LRP6: variants seen among roughly 807,000 people sequenced by gnomAD.
LRP6 encodes low-density lipoprotein receptor-related protein 6.
A neutral mutation model predicts 184.1 loss-of-function variants in LRP6; 43 were observed. The observed-to-expected ratio is 0.23, with a 90% CI of 0.18 to 0.30. The LOEUF (loss-of-function observed/expected upper bound fraction) is 0.30, where lower values mean the gene tolerates loss of function less well. Among genes scored for constraint, LRP6 ranks in the 10% least tolerant of loss-of-function variants. LRP6 has a pLI of 1.00. For synonymous variants in LRP6, 719 were observed against 684.9 expected, an observed-to-expected ratio of 1.05 and a Z score of -0.78; for missense variants, 1,571 against 2,005.3, an observed-to-expected ratio of 0.78 and a Z score of 4.14.
chr12:12,150,907 G>A lies in LRP6; in HGVS notation c.2923C>T (p.Leu975=), dbSNP rs761942695. The change falls in exon 13 of 23, where the codon CTG becomes TTG. Residue 975 remains leucine (L), a synonymous_variant. Transcript: ENST00000261349. ...TCAATCCAATAGAGTTGCTTGTCCAGTGGGTCATAGTCAATGGCCCGGACA... is the reference window on the plus strand; with the variant it reads ...TCAATCCAATAGAGTTGCTTGTCCAATGGGTCATAGTCAATGGCCCGGACA... ...RNVRAIDYDP[L]DKQLYWIDSR... is the part of the protein sequence containing the mutation. 3 of 1,614,034 alleles carry A rather than the reference G, an allele frequency of 1.9e-6. No homozygotes were observed. The highest frequency in any genetic ancestry group is 2.7e-5 in the African/African-American group (2 of 74,926).
At chr12:12,157,123 A>G (rs1432748852) in intron 12 of LRP6, among the ~76,000 whole-genome samples, 3 of 152,178 alleles carry the variant, frequency 2.0e-5, no homozygotes, top group Non-Finnish European at 4.4e-5. Flanking sequence ...AGGTAACCTC[A>G]TTCATTTTAA....
At chr12:12,127,534 G>A (rs1949689411) in intron 19 of LRP6, among the ~76,000 whole-genome samples, 2 of 152,218 alleles carry the variant, frequency 1.3e-5, no homozygotes, top group South Asian at 4.2e-4. Context: ...CTGAGACCAA[G>A]GAACATAAGG....
At chr12:12,168,063 A>G (rs1418309507) in intron 7 of LRP6, among the ~76,000 whole-genome samples, 2 of 152,148 alleles carry the variant, frequency 1.3e-5, no homozygotes, top group Non-Finnish European at 2.9e-5. Flanking sequence ...AAAAGAACAA[A>G]TATTTGACAA....
chr12:12,140,110 T>A (rs1949908331), intron 15 of LRP6, among the ~76,000 whole-genome samples: 1 of 151,684 alleles, frequency 6.6e-6, no homozygotes, highest in African/African-American at 2.4e-5. Flanking sequence ...AAAACCTCTA[T>A]CTTTAAATTT....
intron 4 of LRP6, among the ~76,000 whole-genome samples, chr12:12,185,603 G>A (rs565091105): frequency 2.0e-5 from 3 of 152,142 alleles, no homozygotes; most frequent in East Asian, 1.9e-4. Flanking sequence ...TAACATTCTC[G>A]TATTCCTTTT....
At chr12:12,135,910 T>G (rs1366476833) in intron 16 of LRP6, among the ~76,000 whole-genome samples, 1 of 150,876 alleles carries the variant, frequency 6.6e-6, no homozygotes, top group African/African-American at 2.4e-5. Flanking sequence ...AGAGGCCGGG[T>G]GCGGTGGCTC....
intron 15 of LRP6, among the ~76,000 whole-genome samples, chr12:12,145,508 T>TCTCTCCC (rs1226057002): frequency 6.7e-6 from 1 of 149,210 alleles, no homozygotes; most frequent in Non-Finnish European, 1.5e-5. Flanking sequence ...TCCCCTCTCC[T>TCTCTCCC]CTCTCCCCTC....
chr12:12,246,151 C>T (rs1865177902), intron 1 of LRP6, among the ~76,000 whole-genome samples: 1 of 151,580 alleles, frequency 6.6e-6, no homozygotes, highest in Non-Finnish European at 1.5e-5. Flanking sequence ...TACAGGTGCC[C>T]ACCACTATGG....
chr12:12,256,747 A>G (rs1865474621), intron 1 of LRP6, among the ~76,000 whole-genome samples: 1 of 152,210 alleles, frequency 6.6e-6, no homozygotes, highest in Non-Finnish European at 1.5e-5. Flanking sequence ...CAGAGGTTGC[A>G]GTGAGCAGAG....
chr12:12,151,101 A>T (rs1166245595), intron 12 of LRP6, 63 bp from the exon 13 acceptor site: 1 of 1,315,386 alleles, frequency 7.6e-7, no homozygotes, highest in African/African-American at 1.5e-5. Flanking sequence ...TCATCCAATG[A>T]TTTGATCAGC....
chr12:12,130,021 T>C (rs1263622730), intron 19 of LRP6, among the ~76,000 whole-genome samples: 1 of 152,154 alleles, frequency 6.6e-6, no homozygotes, highest in Non-Finnish European at 1.5e-5. Context: ...ATGTGTTTTT[T>C]AGGCTAAATG....
At position 12,172,778 on chromosome 12, in the gene LRP6, TA is replaced by T. The variant is rs1240732144; in HGVS notation, c.1545+7031del. ...AACACAGAATATTTATCCACGGAAATAACATTTCAATCATGCCAAATCTCAC... is the reference window on the plus strand; with the variant it reads ...AACACAGAATATTTATCCACGGAAATACATTTCAATCATGCCAAATCTCAC... On this transcript the variant is annotated intron_variant, in intron 7 of 22. Coordinates refer to ENST00000261349, the MANE Select transcript of LRP6 (RefSeq NM_002336.3). Among the ~76,000 whole-genome samples the T allele has an allele frequency of 1.2e-4, 19 of 152,236 alleles. 1 individual carries two copies. Among genetic ancestry groups the T allele is most frequent in the Admixed American group, 1.0e-3 (16 of 15,294 alleles).
At chr12:12,187,864 G>C (rs931725898) in intron 3 of LRP6, among the ~76,000 whole-genome samples, 1 of 152,172 alleles carries the variant, frequency 6.6e-6, no homozygotes, top group Non-Finnish European at 1.5e-5. Flanking sequence ...AGACAGCCTA[G>C]TTAGTACTTA....
At chr12:12,191,573 A>C (rs1863616682) in intron 3 of LRP6, among the ~76,000 whole-genome samples, 1 of 152,198 alleles carries the variant, frequency 6.6e-6, no homozygotes. Flanking sequence ...GAAAAGGATA[A>C]AGTGAAGAAT....
chr12:12,199,730 C>G (rs1446663134), intron 3 of LRP6, among the ~76,000 whole-genome samples: 2 of 151,920 alleles, frequency 1.3e-5, no homozygotes, highest in Non-Finnish European at 2.9e-5. Context: ...CTTTGGGAGG[C>G]TGAGGCGGGC....
At chr12:12,244,823 C>T (rs1188942011) in intron 1 of LRP6, among the ~76,000 whole-genome samples, 168 bp from the exon 2 acceptor site, 1 of 152,152 alleles carries the variant, frequency 6.6e-6, no homozygotes, top group East Asian at 1.9e-4. Context: ...ATTATTTTTG[C>T]AGCATTTAAA....
At chr12:12,123,435 C>T (rs1309079714) in intron 22 of LRP6, among the ~76,000 whole-genome samples, 1 of 152,170 alleles carries the variant, frequency 6.6e-6, no homozygotes, top group Non-Finnish European at 1.5e-5. Flanking sequence ...GAGTGAGATA[C>T]TTTAAGTGGT....
chr12:12,195,546 G>GT (rs1021997299), intron 3 of LRP6, among the ~76,000 whole-genome samples: 4 of 151,778 alleles, frequency 2.6e-5, no homozygotes, highest in Admixed American at 6.6e-5. Context: ...AACCAAACTG[G>GT]TTTTTTGCTG....
At chr12:12,188,781 G>T (rs963729949) in intron 3 of LRP6, among the ~76,000 whole-genome samples, 3 of 152,130 alleles carry the variant, frequency 2.0e-5, no homozygotes, top group Non-Finnish European at 4.4e-5. Flanking sequence ...TAAATGGACA[G>T]TTTTATTAAA....
Sources: allele counts gnomAD v4.1 joint callset (sites outside exome capture counted in the v4.1 genomes callset), GRCh38; gene constraint gnomAD v4.1.1; transcripts MANE v1.5; gene names NCBI Gene and HGNC (gene_info 2026-07-23, HGNC 2026-07-21).